The following NRG3 variants were observed in gnomAD, a reference collection of about 807,000 sequenced individuals.
The protein encoded by NRG3 is pro-neuregulin-3, membrane-bound isoform.
Under a neutral mutation model 66.9 loss-of-function variants are expected in NRG3, and 31 were observed. That is an observed-to-expected ratio of 0.46 (90% CI 0.35 to 0.63). The LOEUF (loss-of-function observed/expected upper bound fraction) is 0.63, where lower values mean the gene tolerates loss of function less well. NRG3 is among the 20% of genes least tolerant of loss of function. The probability of loss-of-function intolerance (pLI) is 0.00; values close to 1 mark genes in which losing one functional copy is unlikely to be tolerated. For missense variants in NRG3, 910 were observed against 878.9 expected (o/e 1.04, Z -0.45); for synonymous variants, 393 against 359.4 (o/e 1.09, Z -1.06).
chr10:82,694,495 C>T (rs2134231174), intron 2 of NRG3, among the ~76,000 whole-genome samples: 1 of 152,262 alleles, frequency 6.6e-6, no homozygotes, highest in Non-Finnish European at 1.5e-5. Context: ...TGGCTCACTC[C>T]TGTAATCCCA....
At chr10:82,572,028 G>A (rs2045767330) in intron 2 of NRG3, among the ~76,000 whole-genome samples, 1 of 151,482 alleles carries the variant, frequency 6.6e-6, no homozygotes, top group Non-Finnish European at 1.5e-5. Flanking sequence ...CACAGTATGT[G>A]TATTACTGTC....
intron 2 of NRG3, among the ~76,000 whole-genome samples, chr10:82,500,415 C>T (rs1844060248): frequency 6.6e-6 from 1 of 152,214 alleles, no homozygotes; most frequent in Non-Finnish European, 1.5e-5. Flanking sequence ...AAACCTATCT[C>T]TTTAATATCC....
At chr10:82,450,792 T>A in intron 2 of NRG3, among the ~76,000 whole-genome samples, 1 of 152,156 alleles carries the variant, frequency 6.6e-6, no homozygotes. Flanking sequence ...TCTTATTGAA[T>A]CCAACAAAAA....
At chr10:82,834,183 C>G (rs2062665954) in intron 3 of NRG3, among the ~76,000 whole-genome samples, 1 of 152,114 alleles carries the variant, frequency 6.6e-6, no homozygotes, top group African/African-American at 2.4e-5. Context: ...CAGGCTGTGC[C>G]TTCTTTGCTC....
At chr10:82,205,440 C>T (rs373241012) in intron 1 of NRG3, among the ~76,000 whole-genome samples, 6 of 152,186 alleles carry the variant, frequency 3.9e-5, no homozygotes, top group South Asian at 4.1e-4. Flanking sequence ...CTCCAGATTA[C>T]GTCCACGAAT....
In NRG3 at chr10:82,485,150, C is replaced by T. The variant is rs77041606; in HGVS notation, c.953+126282C>T. Among the ~76,000 whole-genome samples the T allele has an allele frequency of 8.1e-3, 1,230 of 152,190 alleles. 23 individuals are homozygous for T. Among genetic ancestry groups the T allele is most frequent in the African/African-American group, 0.028 (1,175 of 41,508 alleles). ...ATGCTACTGTGATACTTGTTCATTACGACCCCAGTGTAGGGCTCAGGAACT... is the reference window on the plus strand; with the variant it reads ...ATGCTACTGTGATACTTGTTCATTATGACCCCAGTGTAGGGCTCAGGAACT... On this transcript the variant is annotated intron_variant, in intron 2 of 8. Transcript: ENST00000372141.
intron 1 of NRG3, among the ~76,000 whole-genome samples, chr10:81,947,954 C>T (rs1848998285): frequency 6.6e-6 from 1 of 152,012 alleles, no homozygotes; most frequent in Admixed American, 6.6e-5. Context: ...AGTGTGTTTC[C>T]ATTTTAAAAA....
At chr10:82,278,022 A>G (rs2078938746) in intron 1 of NRG3, among the ~76,000 whole-genome samples, 1 of 152,058 alleles carries the variant, frequency 6.6e-6, no homozygotes, top group Admixed American at 6.6e-5. Context: ...CACACTACAC[A>G]TCTTTGAGGC....
rs780975739 is a variant in NRG3, at chr10:82,358,896, G to A, written c.953+28G>A. 18 of 1,613,722 alleles carry A rather than the reference G, an allele frequency of 1.1e-5. No homozygotes were observed. In the South Asian group the frequency reaches 1.6e-4, roughly 15 times the overall value. On this transcript the variant is annotated intron_variant, in intron 2 of 8. Transcript: ENST00000372141. ...AAGCCACTGAGGCCACTGATGGAAA[G>A]GGCAGGCCCGTTGCAAGGCGTGGGG...
At chr10:82,012,393 G>T (rs1233293143) in intron 1 of NRG3, among the ~76,000 whole-genome samples, 1 of 152,172 alleles carries the variant, frequency 6.6e-6, no homozygotes, top group Non-Finnish European at 1.5e-5. Context: ...GAAGGGAGGA[G>T]CTGCTGTGAA....
chr10:82,506,682 G>T (rs1370866333), intron 2 of NRG3, among the ~76,000 whole-genome samples: 1 of 152,030 alleles, frequency 6.6e-6, no homozygotes, highest in Non-Finnish European at 1.5e-5. Context: ...CAGGCTTCCA[G>T]TTTCATGGAA....
chr10:82,311,197 G>A (rs1564781010), intron 1 of NRG3, among the ~76,000 whole-genome samples: 1 of 152,208 alleles, frequency 6.6e-6, no homozygotes, highest in East Asian at 1.9e-4. Context: ...GAGTTGCCTA[G>A]TAGTAAAGAG....
chr10:82,678,080 TA>T (rs2053846417), intron 2 of NRG3, among the ~76,000 whole-genome samples: 2 of 152,206 alleles, frequency 1.3e-5, no homozygotes, highest in South Asian at 4.1e-4. Flanking sequence ...TTTTGCCTCT[TA>T]GTGCTCATGC....
At chr10:81,885,836 C>T (rs778840377) in intron 1 of NRG3, among the ~76,000 whole-genome samples, 18 of 151,908 alleles carry the variant, frequency 1.2e-4, no homozygotes, top group Non-Finnish European at 2.4e-4. Context: ...GTTGTTTGCC[C>T]AAATTTATTG....
At chr10:82,411,239 T>G (rs1393071439) in intron 2 of NRG3, among the ~76,000 whole-genome samples, 1 of 151,986 alleles carries the variant, frequency 6.6e-6, no homozygotes, top group Non-Finnish European at 1.5e-5. Flanking sequence ...GTTTTTTACT[T>G]GATATTTATA....
At chr10:82,206,754 T>A (rs553412653) in intron 1 of NRG3, among the ~76,000 whole-genome samples, 2 of 152,352 alleles carry the variant, frequency 1.3e-5, no homozygotes, top group East Asian at 3.9e-4. Context: ...CTCTATTTAG[T>A]AATTCTATGT....
chr10:82,180,015 AT>A (rs1393114531), intron 1 of NRG3, among the ~76,000 whole-genome samples: 3 of 151,324 alleles, frequency 2.0e-5, no homozygotes, highest in East Asian at 2.0e-4. Context: ...AAATGTAATT[AT>A]TTTTTTAATT....
chr10:81,905,249 C>T (rs1245091803), intron 1 of NRG3, among the ~76,000 whole-genome samples: 7 of 152,180 alleles, frequency 4.6e-5, no homozygotes, highest in African/African-American at 1.7e-4. Context: ...ATTCTGTCAT[C>T]TTCCCCTTGT....
At chr10:82,028,595 C>T in intron 1 of NRG3, among the ~76,000 whole-genome samples, 1 of 152,044 alleles carries the variant, frequency 6.6e-6, no homozygotes, top group Admixed American at 6.6e-5. Flanking sequence ...ACGCTTTGGG[C>T]TTCTCTGACC....
Sources: gnomAD v4.1 joint callset for allele counts (sites outside exome capture counted in the v4.1 genomes callset) on GRCh38, gnomAD v4.1.1 for gene constraint, MANE v1.5 for transcripts, NCBI Gene and HGNC (gene_info 2026-07-23, HGNC 2026-07-21) for gene names.